ANTXRL: variants seen among roughly 807,000 people sequenced by gnomAD.
ANTXRL encodes anthrax toxin receptor-like.
In ANTXRL, 63 loss-of-function variants were observed where a neutral mutation model predicts 75.4. The ratio of observed to expected loss-of-function variants is 0.84; its 90% CI spans 0.68 to 1.03. The LOEUF (loss-of-function observed/expected upper bound fraction) is 1.03. ANTXRL is among the 50% of genes least tolerant of loss of function. ANTXRL has a pLI of 0.00. For missense variants in ANTXRL, 797 were observed against 789.4 expected, an observed-to-expected ratio of 1.01 and a Z score of -0.12; for synonymous variants, 335 against 291.3, an observed-to-expected ratio of 1.15 and a Z score of -1.53.
At chr10:46,309,543 T>A (rs1175939855) in intron 13 of ANTXRL, among the ~76,000 whole-genome samples, 1 of 152,148 alleles carries the variant, frequency 6.6e-6, no homozygotes, top group African/African-American at 2.4e-5. Context: ...AAGCCTCAGA[T>A]GGACAAGGGC....
chr10:46,329,461 AGAG>A, intron 16 of ANTXRL, 135 bp from the exon 17 acceptor site: 1 of 1,119,528 alleles, frequency 8.9e-7, no homozygotes. Context: ...CCAAGGGGAG[AGAG>A]GAGGAGCACA....
chr10:46,292,778 G>A (rs2132649482), intron 2 of ANTXRL: 1 of 153,658 alleles, frequency 6.5e-6, no homozygotes, highest in East Asian at 1.9e-4. Flanking sequence ...GATCAAGATG[G>A]CACTTAAGGA....
At chr10:46,319,590 C>T (rs964749263) in intron 16 of ANTXRL, among the ~76,000 whole-genome samples, 1 of 152,118 alleles carries the variant, frequency 6.6e-6, no homozygotes, top group Non-Finnish European at 1.5e-5. Flanking sequence ...TAGTCATAGT[C>T]TTTGTTCAGG....
At position 46,297,246 on chromosome 10, in the gene ANTXRL, C is replaced by T. The variant is rs538357634; in HGVS notation, c.509-6C>T. On this transcript the variant is annotated splice_polypyrimidine_tract_variant and splice_region_variant and intron_variant, in intron 5 of 16. Coordinates refer to ENST00000620264, the MANE Select transcript of ANTXRL (RefSeq NM_001278688.3). ...CTGAGCAGGCCACTCTTTGCTTCTTCTACAGACAAGGTTCCCAGCATGATT... is the reference window on the plus strand; with the variant it reads ...CTGAGCAGGCCACTCTTTGCTTCTTTTACAGACAAGGTTCCCAGCATGATT... 4 of 1,536,148 alleles carry T rather than the reference C, an allele frequency of 2.6e-6. No individual in the cohort carries two copies. Among genetic ancestry groups the T allele is most frequent in the South Asian group, 2.4e-5 (2 of 84,050 alleles).
At position 46,296,009 on chromosome 10, in the gene ANTXRL, T is replaced by C; in HGVS notation, c.393-10T>C. ...TTTCCAGGTCAACCACCTTTTTAAA[T>C]TTTTTTCAGGAATAGAATAAAAAAC... On this transcript the variant is annotated splice_polypyrimidine_tract_variant and intron_variant, in intron 3 of 16. Coordinates refer to ENST00000620264, the MANE Select transcript of ANTXRL (RefSeq NM_001278688.3). 6.5e-7 allele frequency: 1 copy of C among 1,534,770 alleles called. No homozygotes were observed. Among genetic ancestry groups the C allele is most frequent in the South Asian group, 1.2e-5 (1 of 84,006 alleles).
intron 13 of ANTXRL, 84 bp from the exon 14 acceptor site, chr10:46,310,377 G>A (rs1838351278): frequency 2.3e-6 from 3 of 1,327,010 alleles, no homozygotes; most frequent in Admixed American, 3.9e-5. Flanking sequence ...GGTGCTCCAG[G>A]CCAGGGTCCC....
At chr10:46,296,177 C>T in intron 4 of ANTXRL, 42 bp from the exon 5 acceptor site, 1 of 1,534,954 alleles carries the variant, frequency 6.5e-7, no homozygotes, top group Non-Finnish European at 8.7e-7. Context: ...TCAGTGGGAG[C>T]ATCTCACTGT....
In ANTXRL at chr10:46,329,978, C is replaced by T; in HGVS notation, c.1790C>T (p.Ala597Val). The change falls in exon 17 of 17, where the codon GCT becomes GTT. Residue 597 changes from alanine to valine, a missense_variant. Ala to Val is a moderately conservative substitution (Grantham distance 64). Coordinates refer to ENST00000620264, the MANE Select transcript of ANTXRL (RefSeq NM_001278688.3). ...TCSSRCRLPP[A>V]RCLRPPSRML... ...TCCTCCAGGTGCCGCCTCCCCCCAG[C>T]TAGGTGCTTGAGGCCTCCCTCCAGG... 2.6e-6 allele frequency: 4 copies of T among 1,535,632 alleles called. No homozygotes were observed. The South Asian group carries it at 4.8e-5, about 18-fold the overall frequency.
At chr10:46,327,335 G>T (rs1554966712) in intron 16 of ANTXRL, among the ~76,000 whole-genome samples, 1 of 152,070 alleles carries the variant, frequency 6.6e-6, no homozygotes, top group Non-Finnish European at 1.5e-5. Flanking sequence ...GAGGGAAGAT[G>T]GTCCTGGGAG....
rs1398964894 is a variant in ANTXRL at position 46,329,963 on chromosome 10, G to A, written c.1775G>A (p.Cys592Tyr). Residue 592 changes from cysteine to tyrosine, a missense_variant, in exon 17 of 17, where the codon TGC (cysteine) becomes TAC (tyrosine). By Grantham distance (194) the Cys-to-Tyr change is radical. Transcript: ENST00000620264. ...CTCCCCCTCACCTGCTCCTCCAGGT[G>A]CCGCCTCCCCCCAGCTAGGTGCTTG... ...ECLPLTCSSRCRLPPARCLRP... is the reference protein window; with the variant it reads ...ECLPLTCSSRYRLPPARCLRP... The A allele has an allele frequency of 5.2e-6, 8 of 1,535,262 alleles. No homozygotes were observed. In the East Asian group the frequency reaches 9.8e-5, roughly 19 times the overall value.
At chr10:46,293,321 TG>T (rs1461631658) in intron 2 of ANTXRL, among the ~76,000 whole-genome samples, 4 of 139,114 alleles carry the variant, frequency 2.9e-5, no homozygotes, top group African/African-American at 7.9e-5. Flanking sequence ...CGTGTGTGCC[TG>T]TGTGTGAGTG....
chr10:46,296,750 C>A (rs577658886), intron 5 of ANTXRL, among the ~76,000 whole-genome samples: 5 of 152,252 alleles, frequency 3.3e-5, no homozygotes. Flanking sequence ...GGGTCCCCTG[C>A]CCAGGTGCCA....
At chr10:46,297,519 T>C (rs1554959201) in intron 7 of ANTXRL, 45 bp downstream of exon 7, 2 of 1,527,312 alleles carry the variant, frequency 1.3e-6, no homozygotes, top group East Asian at 4.9e-5. Flanking sequence ...AGCCTAGTGG[T>C]CACTTTCGAG....
At position 46,329,659 on chromosome 10, in the gene ANTXRL, A is replaced by C. The variant is rs782473075; in HGVS notation, c.1471A>C (p.Arg491=). ...ATATGCACAGGCTCCCTGCTGCCCA[A>C]GGATCTGCTTTCCACACAGCCAGGA... ...SQYAQAPCCP[R]ICFPHSQECL... Residue 491 remains arginine (R), a synonymous_variant, in exon 17 of 17, where the codon AGG becomes CGG. Coordinates refer to ENST00000620264, the MANE Select transcript of ANTXRL (RefSeq NM_001278688.3). 3 of 1,536,318 alleles carry C rather than the reference A, an allele frequency of 2.0e-6. No individual in the cohort carries two copies. Among genetic ancestry groups the C allele is most frequent in the Non-Finnish European group, 2.6e-6 (3 of 1,146,830 alleles).
At chr10:46,313,147 A>G (rs1433215535) in intron 15 of ANTXRL, 89 bp from the exon 16 acceptor site, 123 of 1,189,202 alleles carry the variant, frequency 1.0e-4, no homozygotes, top group Non-Finnish European at 1.4e-4. Context: ...TTTCCTGGGC[A>G]CAGAGCTGTG....
chr10:46,302,289 A>C (rs1837799083), intron 9 of ANTXRL, among the ~76,000 whole-genome samples: 1 of 152,166 alleles, frequency 6.6e-6, no homozygotes, highest in African/African-American at 2.4e-5. Flanking sequence ...CTGGGTGCCC[A>C]GCTGAGGCAT....
chr10:46,303,646 C>CA (rs1837892841), intron 10 of ANTXRL, among the ~76,000 whole-genome samples: 1 of 152,064 alleles, frequency 6.6e-6, no homozygotes, highest in Non-Finnish European at 1.5e-5. Flanking sequence ...CCTAAGTAAG[C>CA]AAAATCACAT....
intron 1 of ANTXRL, among the ~76,000 whole-genome samples, chr10:46,288,713 G>T (rs2132631016): frequency 6.6e-6 from 1 of 152,264 alleles, no homozygotes; most frequent in Non-Finnish European, 1.5e-5. Context: ...GGGAGAATTT[G>T]CAGGTCAGAG....
At chr10:46,286,837 A>T (rs1458395670), upstream of ANTXRL, among the ~76,000 whole-genome samples, 3 of 152,130 alleles carry the variant, frequency 2.0e-5, no homozygotes, top group Non-Finnish European at 4.4e-5. Flanking sequence ...AGCAGGGTCT[A>T]GTGGTTTTAA....
Sources: gnomAD v4.1 joint callset for allele counts (sites outside exome capture counted in the v4.1 genomes callset) on GRCh38, gnomAD v4.1.1 for gene constraint, MANE v1.5 for transcripts, NCBI Gene and HGNC (gene_info 2026-07-23, HGNC 2026-07-21) for gene names.